LAMA2: variants seen among roughly 807,000 people sequenced by gnomAD.
LAMA2 encodes laminin subunit alpha-2.
Under a neutral mutation model 364.8 loss-of-function variants are expected in LAMA2, and 269 were observed. The ratio of observed to expected loss-of-function variants is 0.74; its 90% CI spans 0.67 to 0.82. The LOEUF (loss-of-function observed/expected upper bound fraction) is 0.82. Among genes scored for constraint, LAMA2 ranks in the 40% least tolerant of loss-of-function variants. LAMA2 has a pLI of 0.00. For missense variants in LAMA2, 3,807 were observed against 3,873.2 expected, an observed-to-expected ratio of 0.98 and a Z score of 0.45; for synonymous variants, 1,379 against 1,370.6, an observed-to-expected ratio of 1.01 and a Z score of -0.14.
intron 2 of LAMA2, among the ~76,000 whole-genome samples, chr6:129,052,246 T>C (rs12665278): frequency 0.14 from 21,709 of 150,224 alleles, 1,760 homozygotes; most frequent in African/African-American, 0.22. Context: ...CGCCATTCTC[T>C]TGCCTCAGCC....
chr6:129,277,235 A>C (rs537289573), intron 17 of LAMA2, among the ~76,000 whole-genome samples: 1 of 152,200 alleles, frequency 6.6e-6, no homozygotes, highest in Non-Finnish European at 1.5e-5. Context: ...GAGGTCAATG[A>C]TGATCTCACA....
At chr6:129,131,826 A>T (rs1777494250) in intron 4 of LAMA2, among the ~76,000 whole-genome samples, 1 of 152,220 alleles carries the variant, frequency 6.6e-6, no homozygotes, top group Admixed American at 6.5e-5. Context: ...TAGAACTTTG[A>T]TATTTTTAAA....
At chr6:129,457,697 C>T (rs1295906443) in intron 48 of LAMA2, among the ~76,000 whole-genome samples, 2 of 152,078 alleles carry the variant, frequency 1.3e-5, no homozygotes, top group East Asian at 3.9e-4. Context: ...TGTCTTAGTC[C>T]ATTAGGGCTG....
At chr6:129,095,955 C>T (rs1390554731) in intron 3 of LAMA2, among the ~76,000 whole-genome samples, 1 of 151,846 alleles carries the variant, frequency 6.6e-6, no homozygotes, top group African/African-American at 2.4e-5. Context: ...GCTAGAGGCC[C>T]TGGCCTCCAC....
intron 1 of LAMA2, among the ~76,000 whole-genome samples, chr6:129,017,534 G>A (rs1785154969): frequency 6.6e-6 from 1 of 151,878 alleles, no homozygotes; most frequent in Non-Finnish European, 1.5e-5. Context: ...GCCTAGCAAA[G>A]TTTTATTGAT....
At position 129,505,374 on chromosome 6, in the gene LAMA2, CTTT is replaced by C. The variant is rs1193663522; in HGVS notation, c.8703+20_8703+22del. The C allele has an allele frequency of 1.3e-6, 2 of 1,592,082 alleles. No homozygotes were observed. The highest frequency in any genetic ancestry group is 1.3e-5 in the African/African-American group (1 of 74,422). On this transcript the variant is annotated intron_variant, in intron 61 of 64. Transcript: ENST00000421865. Reference sequence around the variant, plus strand: ...TGGTCCAGTAAATATCTGATTTCTTCTTTATTACTTAAATATATGGCTGATTCA... The same window carrying C: ...TGGTCCAGTAAATATCTGATTTCTTCATTACTTAAATATATGGCTGATTCA...
chr6:128,954,832 G>A (rs1781046371), intron 1 of LAMA2, among the ~76,000 whole-genome samples: 1 of 151,928 alleles, frequency 6.6e-6, no homozygotes, highest in African/African-American at 2.4e-5. Context: ...CATAAGATAA[G>A]CCTGTGCCTG....
At chr6:129,142,794 G>A (rs1778208310) in intron 4 of LAMA2, among the ~76,000 whole-genome samples, 1 of 151,850 alleles carries the variant, frequency 6.6e-6, no homozygotes, top group African/African-American at 2.4e-5. Context: ...TGTGGGGTTT[G>A]CCAACCTGAA....
At position 128,922,038 on chromosome 6, in the gene LAMA2, C is replaced by T. The variant is rs1778772585; in HGVS notation, c.112+38681C>T. On this transcript the variant is annotated intron_variant, in intron 1 of 64. Transcript: ENST00000421865. ...CATGGCCCTACAAAGCACATGAACT[C>T]ATCATTTTTTATGGCTGCATAGTAT... Among the ~76,000 whole-genome samples, 3 of 152,072 alleles carry T rather than the reference C, an allele frequency of 2.0e-5. No individual in the cohort carries two copies. The South Asian group carries it at 6.2e-4, about 31-fold the overall frequency.
chr6:129,134,590 CTG>C (rs1466533382), intron 4 of LAMA2, among the ~76,000 whole-genome samples: 1 of 152,098 alleles, frequency 6.6e-6, no homozygotes, highest in Admixed American at 6.6e-5. Flanking sequence ...CCAGATGAAA[CTG>C]TTTTACCTCA....
intron 5 of LAMA2, among the ~76,000 whole-genome samples, chr6:129,145,719 G>GT (rs541546147): frequency 6.6e-6 from 1 of 151,852 alleles, no homozygotes; most frequent in Non-Finnish European, 1.5e-5. Context: ...ATATAAATAT[G>GT]TTTTTTGAAA....
chr6:129,287,539 A>G (rs1424875535), intron 18 of LAMA2, among the ~76,000 whole-genome samples: 6 of 152,144 alleles, frequency 3.9e-5, no homozygotes, highest in East Asian at 1.9e-4. Flanking sequence ...GCTTTCCAAC[A>G]TGGACCTGGA....
intron 1 of LAMA2, among the ~76,000 whole-genome samples, chr6:129,044,379 C>T (rs963826139): frequency 1.6e-4 from 25 of 151,880 alleles, no homozygotes; most frequent in Admixed American, 6.6e-5. Flanking sequence ...CAAAATCATG[C>T]CAACATGTGT....
At chr6:129,309,902 A>AT (rs993652081) in intron 22 of LAMA2, among the ~76,000 whole-genome samples, 4,288 of 135,730 alleles carry the variant, frequency 0.032, 133 homozygotes, top group Middle Eastern at 0.057. Flanking sequence ...CCTGATAATC[A>AT]TTTTTTTTTT....
intron 18 of LAMA2, among the ~76,000 whole-genome samples, chr6:129,284,420 TCTA>T (rs1440787165): frequency 6.6e-6 from 1 of 152,186 alleles, no homozygotes; most frequent in African/African-American, 2.4e-5. Flanking sequence ...CTCCAGTTGT[TCTA>T]CTGCTACGTT....
At position 129,464,364 on chromosome 6, in the gene LAMA2, G is replaced by A. The variant is rs761365739; in HGVS notation, c.7067G>A (p.Arg2356His). The A allele has an allele frequency of 1.1e-5, 17 of 1,611,782 alleles. No homozygotes were observed. Among genetic ancestry groups the A allele is most frequent in the South Asian group, 7.7e-5 (7 of 91,044 alleles). The stretch of plus-strand genomic sequence containing the variant: ...TATGCATTGGTCAGCCGTCCCATTC[G>A]CTGGTACCCCAACATCTCCACTGTC... ...EGYALVSRPIRWYPNISTVMF... is the reference protein window; with the variant it reads ...EGYALVSRPIHWYPNISTVMF... Residue 2356 changes from arginine to histidine, a missense_variant, in exon 50 of 65, where the codon CGC becomes CAC. Coordinates refer to ENST00000421865, the MANE Select transcript of LAMA2 (RefSeq NM_000426.4).
chr6:129,366,784 C>G (rs10499155), intron 33 of LAMA2, among the ~76,000 whole-genome samples: 22,939 of 152,148 alleles, frequency 0.15, 2,194 homozygotes, highest in Non-Finnish European at 0.21. Context: ...AGGATATTGA[C>G]TATTTTCACA....
At chr6:129,337,169 G>A (rs1401171909) in intron 29 of LAMA2, among the ~76,000 whole-genome samples, 2 of 152,156 alleles carry the variant, frequency 1.3e-5, no homozygotes, top group East Asian at 3.9e-4. Context: ...CAGAGGAAAT[G>A]ACACATATTA....
At chr6:128,948,894 A>G (rs1477817249) in intron 1 of LAMA2, among the ~76,000 whole-genome samples, 1 of 152,210 alleles carries the variant, frequency 6.6e-6, no homozygotes, top group African/African-American at 2.4e-5. Flanking sequence ...TGGTTCCTGT[A>G]CAGCCTGCAG....
Sources: allele counts gnomAD v4.1 joint callset (sites outside exome capture counted in the v4.1 genomes callset), GRCh38; gene constraint gnomAD v4.1.1; transcripts MANE v1.5; gene names NCBI Gene and HGNC (gene_info 2026-07-23, HGNC 2026-07-21).